The following FRMPD1 variants were observed in gnomAD, a reference collection of about 807,000 sequenced individuals.
The protein encoded by FRMPD1 is FERM and PDZ domain containing 1.
A neutral mutation model predicts 117.8 loss-of-function variants in FRMPD1; 76 were observed. That is an observed-to-expected ratio of 0.65 (90% CI 0.54 to 0.78). The LOEUF (loss-of-function observed/expected upper bound fraction) is 0.78. FRMPD1 is among the 30% of genes least tolerant of loss of function. FRMPD1 has a pLI of 0.00. For missense variants in FRMPD1, 1,786 were observed against 1,964.5 expected (o/e 0.91, Z 1.72); for synonymous variants, 783 against 770.4 (o/e 1.02, Z -0.27).
chr9:37,687,677 C>A (rs1015847300), intron 1 of FRMPD1, among the ~76,000 whole-genome samples: 15 of 152,026 alleles, frequency 9.9e-5, no homozygotes, highest in Non-Finnish European at 5.9e-5. Context: ...GTGTTCTTGG[C>A]AAAGGAACAT....
At chr9:37,667,497 A>AC (rs1821200053) in intron 1 of FRMPD1, among the ~76,000 whole-genome samples, 2 of 140,598 alleles carry the variant, frequency 1.4e-5, no homozygotes, top group Admixed American at 7.0e-5. Context: ...ACATGGTGAG[A>AC]CCCCATCTCT....
chr9:37,662,721 G>A (rs1023068040), intron 1 of FRMPD1, among the ~76,000 whole-genome samples: 1 of 152,146 alleles, frequency 6.6e-6, no homozygotes, highest in Non-Finnish European at 1.5e-5. Flanking sequence ...AATCCCAGCA[G>A]AGATGACCTA....
chr9:37,666,945 G>A (rs903786050), intron 1 of FRMPD1, among the ~76,000 whole-genome samples: 6 of 151,936 alleles, frequency 3.9e-5, no homozygotes, highest in African/African-American at 1.4e-4. Context: ...AGTCGGTTCC[G>A]TCCTCGCCTT....
At chr9:37,648,816 T>A (rs555728563), upstream of FRMPD1, among the ~76,000 whole-genome samples, 1 of 152,112 alleles carries the variant, frequency 6.6e-6, no homozygotes, top group Admixed American at 6.5e-5. Flanking sequence ...GTTTTGGCTG[T>A]GTTGAGAGTG....
Position 37,707,437 on chromosome 9 carries a change from TG to T in FRMPD1, c.126del (p.Ala44ProfsTer15). On this transcript the variant is annotated frameshift_variant, in exon 3 of 16. Coordinates refer to ENST00000377765, the MANE Select transcript of FRMPD1 (RefSeq NM_014907.3). LOFTEE classifies it high-confidence loss of function. ...CCAGGGCTAAAGTTGCTGCAGCTGA[TG>T]GGCCCGCCAGGAACCCAACTCAGAC... ...SARAKVAAAD[G>X]PARNPTQTLI... 1 of 1,613,872 alleles carries T rather than the reference TG, an allele frequency of 6.2e-7. No individual in the cohort carries two copies. The highest frequency in any genetic ancestry group is 1.7e-5 in the Admixed American group (1 of 59,946).
chr9:37,695,376 G>T (rs1192675303), intron 2 of FRMPD1, among the ~76,000 whole-genome samples: 2 of 152,104 alleles, frequency 1.3e-5, no homozygotes, highest in African/African-American at 4.8e-5. Flanking sequence ...TCTCATTGTG[G>T]TTTTTATCTG....
At chr9:37,676,006 A>G (rs1160028662) in intron 1 of FRMPD1, among the ~76,000 whole-genome samples, 2 of 152,212 alleles carry the variant, frequency 1.3e-5, no homozygotes, top group Non-Finnish European at 2.9e-5. Flanking sequence ...AAACAGTAAC[A>G]ATGGGAATTA....
intron 5 of FRMPD1, among the ~76,000 whole-genome samples, chr9:37,713,217 G>C (rs778065107): frequency 2.6e-5 from 4 of 152,190 alleles, no homozygotes; most frequent in Middle Eastern, 3.4e-3. Flanking sequence ...GTTTAAAAAC[G>C]AACAAAGCTA....
In FRMPD1 at chr9:37,746,276, C is replaced by A; in HGVS notation, c.4244C>A (p.Pro1415His). 1 of 1,612,808 alleles carries A rather than the reference C, an allele frequency of 6.2e-7. No homozygotes were observed. Residue 1415 changes from proline to histidine, a missense_variant, in exon 16 of 16, where the codon CCT becomes CAT. Coordinates refer to ENST00000377765, the MANE Select transcript of FRMPD1 (RefSeq NM_014907.3). ...GCACTGAGACAGCTGAAAGCCACCC[C>A]TGCCAGCACCCCTGAGGGCTTCATC... is the stretch of plus-strand genomic sequence containing the variant. ...SRALRQLKAT[P>H]ASTPEGFIQL...
chr9:37,742,136 T>C (rs28550341), intron 15 of FRMPD1, among the ~76,000 whole-genome samples: 8,914 of 152,260 alleles, frequency 0.059, 842 homozygotes, highest in African/African-American at 0.2. Context: ...GCAATTGTTG[T>C]TAAATGAATG....
chr9:37,730,791 C>T (rs373214079), intron 8 of FRMPD1, among the ~76,000 whole-genome samples, 193 bp from the exon 9 acceptor site: 6 of 152,060 alleles, frequency 3.9e-5, no homozygotes, highest in African/African-American at 1.4e-4. Flanking sequence ...CCCTTTTGAA[C>T]CTTTTACATT....
chr9:37,694,780 C>A (rs1423119288), intron 2 of FRMPD1, among the ~76,000 whole-genome samples: 1 of 152,142 alleles, frequency 6.6e-6, no homozygotes, highest in East Asian at 1.9e-4. Flanking sequence ...TGACTGGCTT[C>A]TTTCGCTTAG....
intron 15 of FRMPD1, among the ~76,000 whole-genome samples, chr9:37,741,193 G>A (rs10814615): frequency 0.045 from 6,884 of 152,088 alleles, 510 homozygotes; most frequent in African/African-American, 0.16. Context: ...TACAAAAAAG[G>A]AAAGGGCTTG....
Position 37,719,190 on chromosome 9 carries a change from C to G in FRMPD1, c.516+14C>G. 1 of 1,507,586 alleles carries G rather than the reference C, an allele frequency of 6.6e-7. No individual in the cohort carries two copies. Among genetic ancestry groups the G allele is most frequent in the Non-Finnish European group, 9.2e-7 (1 of 1,082,728 alleles). The allele number at this position is 1,507,586 out of a possible 1,614,324, so 93.4% of individuals were successfully genotyped here. A position where few individuals can be genotyped will look rare whatever the true frequency, so the allele number is the denominator to read the frequency against. ...GGACACAGCCAGGTGTGTCACTAGTCAAGGGATTGAAATTATGAAGCTGGC... is the reference window on the plus strand; with the variant it reads ...GGACACAGCCAGGTGTGTCACTAGTGAAGGGATTGAAATTATGAAGCTGGC... On this transcript the variant is annotated intron_variant, in intron 6 of 15. Transcript: ENST00000377765.
At chr9:37,694,023 C>T (rs1360130264) in intron 2 of FRMPD1, among the ~76,000 whole-genome samples, 1 of 152,224 alleles carries the variant, frequency 6.6e-6, no homozygotes, top group Non-Finnish European at 1.5e-5. Context: ...TTCTCCTAGA[C>T]CTGCCTTCTG....
intron 1 of FRMPD1, among the ~76,000 whole-genome samples, chr9:37,683,026 G>A (rs1159668947): frequency 1.3e-5 from 2 of 152,138 alleles, no homozygotes; most frequent in African/African-American, 4.8e-5. Flanking sequence ...TTACCCATTA[G>A]CAGTCAGTTC....
At chr9:37,636,774 C>T in the FRMPD1 span, 1 of 1,608,978 alleles carries the variant, frequency 6.2e-7, no homozygotes, top group South Asian at 1.1e-5. Flanking sequence ...GCTCCGGGCC[C>T]CATCTGCTTT....
chr9:37,695,035 A>G (rs1029872917), intron 2 of FRMPD1, among the ~76,000 whole-genome samples: 3 of 152,194 alleles, frequency 2.0e-5, no homozygotes, highest in Non-Finnish European at 2.9e-5. Context: ...AGATAGATAG[A>G]TAGATAGATA....
the FRMPD1 span, among the ~76,000 whole-genome samples, chr9:37,644,814 A>T: frequency 1.3e-5 from 2 of 152,162 alleles, no homozygotes; most frequent in African/African-American, 4.8e-5. Flanking sequence ...AGAGAATAAG[A>T]TGAGATGATT....
Sources: gnomAD v4.1 joint callset for allele counts (sites outside exome capture counted in the v4.1 genomes callset) on GRCh38, gnomAD v4.1.1 for gene constraint, MANE v1.5 for transcripts, NCBI Gene and HGNC (gene_info 2026-07-23, HGNC 2026-07-21) for gene names.